Variants in TMCC2 observed in about 807,000 individuals in gnomAD.
TMCC2 encodes transmembrane and coiled-coil domain family 2, also known as transmembrane and coiled-coil domains protein 2.
TMCC2 carries 16 observed loss-of-function variants against 49.4 expected under a neutral mutation model. That is an observed-to-expected ratio of 0.32 (90% CI 0.22 to 0.49). TMCC2 has a LOEUF of 0.49. Ranked by LOEUF, TMCC2 falls within the 20% of genes least tolerant of loss-of-function variation. The pLI is 0.99. For synonymous variants in TMCC2, 397 were observed against 434.1 expected, an observed-to-expected ratio of 0.91 and a Z score of 1.06; for missense variants, 762 against 989.8, an observed-to-expected ratio of 0.77 and a Z score of 3.09.
intron 2 of TMCC2, chr1:205,267,949 A>G (rs1050360305): frequency 7.4e-6 from 3 of 407,352 alleles, no homozygotes; most frequent in African/African-American, 4.5e-5. Context: ...CCTGGCCAGC[A>G]GGGTGGGGGT....
At chr1:205,261,583 G>T (rs1250621942) in intron 2 of TMCC2, among the ~76,000 whole-genome samples, 1 of 151,906 alleles carries the variant, frequency 6.6e-6, no homozygotes. Flanking sequence ...GGAAGCTGAG[G>T]TGGGAGGATT....
At chr1:205,256,288 G>A in intron 2 of TMCC2, 1 of 1,547,444 alleles carries the variant, frequency 6.5e-7, no homozygotes, top group Non-Finnish European at 8.7e-7. Context: ...CCAGGACTCA[G>A]CTGGCCAGCC....
chr1:205,261,803 C>T (rs1285721801), intron 2 of TMCC2, among the ~76,000 whole-genome samples: 1 of 152,186 alleles, frequency 6.6e-6, no homozygotes, highest in African/African-American at 2.4e-5. Flanking sequence ...CCTGATAGCT[C>T]TCAGCTGGTA....
chr1:205,229,337 C>A (rs984253111), intron 1 of TMCC2, among the ~76,000 whole-genome samples: 1 of 151,864 alleles, frequency 6.6e-6, no homozygotes, highest in African/African-American at 2.4e-5. Context: ...TACAGGCACC[C>A]GCCACCACGC....
At chr1:205,244,236 C>G (rs2102549768) in intron 2 of TMCC2, among the ~76,000 whole-genome samples, 1 of 152,068 alleles carries the variant, frequency 6.6e-6, no homozygotes, top group Admixed American at 6.5e-5. Context: ...AGCACCTGAG[C>G]CCACCTCCAT....
At chr1:205,237,371 C>T (rs1660094482) in intron 1 of TMCC2, among the ~76,000 whole-genome samples, 1 of 152,176 alleles carries the variant, frequency 6.6e-6, no homozygotes, top group Non-Finnish European at 1.5e-5. Flanking sequence ...TGTTGGCGAC[C>T]TAGGCTGGCA....
intron 2 of TMCC2, among the ~76,000 whole-genome samples, chr1:205,266,411 C>T (rs1033967766): frequency 3.3e-5 from 5 of 150,912 alleles, no homozygotes; most frequent in South Asian, 4.2e-4. Flanking sequence ...GCCAACATGG[C>T]GAAACTCCAT....
At chr1:205,265,719 C>T (rs1436325507) in intron 2 of TMCC2, among the ~76,000 whole-genome samples, 2 of 151,702 alleles carry the variant, frequency 1.3e-5, no homozygotes, top group Admixed American at 1.3e-4. Flanking sequence ...CGCCACCACG[C>T]CCAGCTAATT....
At chr1:205,245,549 C>T (rs914379954) in intron 2 of TMCC2, among the ~76,000 whole-genome samples, 4 of 152,318 alleles carry the variant, frequency 2.6e-5, no homozygotes, top group Admixed American at 6.5e-5. Context: ...TCCATCTCCA[C>T]GTACAGTTTT....
chr1:205,269,068 T>C lies in TMCC2; in HGVS notation c.866T>C (p.Ile289Thr), dbSNP rs529529144. ...GACCCCCAGCGGACCAAGGCCGCCA[T>C]TGACCACCTGCACCAGAAGATCCTG... ...APDPQRTKAA[I>T]DHLHQKILKI... The change falls in exon 3 of 5, where the codon ATT (isoleucine) becomes ACT (threonine). Residue 289 changes from isoleucine to threonine, a missense_variant. Coordinates refer to ENST00000358024, the MANE Select transcript of TMCC2 (RefSeq NM_014858.4). The C allele has an allele frequency of 2.5e-6, 4 of 1,613,802 alleles. No individual in the cohort carries two copies. In the East Asian group the frequency reaches 6.7e-5, roughly 27 times the overall value.
At chr1:205,246,639 C>T (rs1386732522) in intron 2 of TMCC2, 16 of 1,550,314 alleles carry the variant, frequency 1.0e-5, no homozygotes, top group South Asian at 2.4e-5. Flanking sequence ...GTTGTTCAGC[C>T]CTTAATGAGC....
intron 1 of TMCC2, chr1:205,229,088 CA>C: frequency 8.4e-7 from 1 of 1,192,996 alleles, no homozygotes; most frequent in Non-Finnish European, 1.0e-6. Flanking sequence ...AGATGCTAAC[CA>C]AAAAGTGGAC....
Position 205,238,883 on chromosome 1 carries a change from A to G in TMCC2, c.208-2622A>G, listed in dbSNP as rs991271353. On this transcript the variant is annotated intron_variant, in intron 1 of 4. Coordinates refer to ENST00000358024, the MANE Select transcript of TMCC2 (RefSeq NM_014858.4). ...ACATCTCACATTCCTAGCTCCTGAG[A>G]TTAGGCTAGTGTCAGATTATAATGA... Among the ~76,000 whole-genome samples the G allele has an allele frequency of 6.6e-5, 10 of 152,314 alleles. No individual in the cohort carries two copies. The South Asian group carries it at 1.2e-3, about 19-fold the overall frequency.
intron 2 of TMCC2, among the ~76,000 whole-genome samples, chr1:205,251,723 A>G (rs1027122888): frequency 5.3e-5 from 8 of 152,348 alleles, no homozygotes; most frequent in East Asian, 1.9e-4. Context: ...CAGGGGCTCA[A>G]TGGCTTATGG....
At chr1:205,244,315 G>T (rs1373966705) in intron 2 of TMCC2, among the ~76,000 whole-genome samples, 1 of 152,218 alleles carries the variant, frequency 6.6e-6, no homozygotes, top group Non-Finnish European at 1.5e-5. Flanking sequence ...TCTCACTGGG[G>T]TGAGGTCAGT....
intron 1 of TMCC2, among the ~76,000 whole-genome samples, chr1:205,233,483 C>G (rs965623487): frequency 1.3e-5 from 2 of 152,094 alleles, no homozygotes; most frequent in African/African-American, 4.8e-5. Context: ...CAACTGAGTC[C>G]TGTGTGGTTC....
chr1:205,249,356 A>G (rs1025880699), intron 2 of TMCC2, among the ~76,000 whole-genome samples: 4 of 152,298 alleles, frequency 2.6e-5, no homozygotes, highest in Admixed American at 2.6e-4. Context: ...AAGGATGGTG[A>G]GTGAGGGGCC....
chr1:205,255,658 A>G (rs1660838105), intron 2 of TMCC2, among the ~76,000 whole-genome samples: 1 of 152,140 alleles, frequency 6.6e-6, no homozygotes, highest in African/African-American at 2.4e-5. Context: ...CATGGCAGCT[A>G]AATGAGGTAG....
intron 1 of TMCC2, chr1:205,229,645 C>G (rs1574821353): frequency 1.0e-6 from 1 of 984,404 alleles, no homozygotes; most frequent in Non-Finnish European, 1.2e-6. Flanking sequence ...CTCTGCCTGC[C>G]TGCTGAACCA....
Sources: allele counts gnomAD v4.1 joint callset (sites outside exome capture counted in the v4.1 genomes callset), GRCh38; gene constraint gnomAD v4.1.1; transcripts MANE v1.5; gene names NCBI Gene and HGNC (gene_info 2026-07-23, HGNC 2026-07-21).